The following COL5A2 variants were observed in gnomAD, a reference collection of about 807,000 sequenced individuals.
The protein encoded by COL5A2 is collagen type V alpha 2 chain.
In COL5A2, 23 loss-of-function variants were observed where a neutral mutation model predicts 208.2. The observed-to-expected ratio is 0.11, with a 90% CI of 0.08 to 0.16. The LOEUF is 0.16. COL5A2 is among the 10% of genes least tolerant of loss of function. The pLI, the probability that COL5A2 is intolerant of heterozygous loss-of-function variation, is 1.00. For synonymous variants in COL5A2, 625 were observed against 628.5 expected (o/e 0.99, Z 0.08); for missense variants, 1,590 against 1,956.4 (o/e 0.81, Z 3.53).
the COL5A2 span, among the ~76,000 whole-genome samples, chr2:189,422,269 G>A: frequency 2.0e-5 from 3 of 152,016 alleles, no homozygotes; most frequent in African/African-American, 7.2e-5. Flanking sequence ...TAGGAAAATA[G>A]AGAGAGATAA....
At chr2:189,150,697 T>A (rs1688125776) in intron 1 of COL5A2, among the ~76,000 whole-genome samples, 1 of 152,196 alleles carries the variant, frequency 6.6e-6, no homozygotes, top group African/African-American at 2.4e-5. Flanking sequence ...TATTGGAACC[T>A]CTACTATTTT....
Position 189,068,087 on chromosome 2 carries a change from A to G in COL5A2, c.1329T>C (p.Pro443=). Residue 443 remains proline (P), a synonymous_variant, in exon 21 of 54, where the codon CCT becomes CCC. Coordinates refer to ENST00000374866, the MANE Select transcript of COL5A2 (RefSeq NM_000393.5). The part of the protein sequence containing the change: ...PTGSPGTSGP[P]GSAGPPGSPG... ...GAGATCCAGGAGGCCCTGCTGAGCCAGGAGGACCAGAGGTACCTGGAGAGC... is the reference window on the plus strand; with the variant it reads ...GAGATCCAGGAGGCCCTGCTGAGCCGGGAGGACCAGAGGTACCTGGAGAGC... 6.2e-7 allele frequency: 1 copy of G among 1,614,064 alleles called. No individual in the cohort carries two copies. Among genetic ancestry groups the G allele is most frequent in the Non-Finnish European group, 8.5e-7 (1 of 1,179,972 alleles).
chr2:189,426,584 T>C, the COL5A2 span, among the ~76,000 whole-genome samples: 6 of 152,364 alleles, frequency 3.9e-5, no homozygotes, highest in South Asian at 6.2e-4. Context: ...GCACATGTCA[T>C]CAGGACCTCC....
chr2:189,227,586 T>G (rs928752505), upstream of COL5A2, among the ~76,000 whole-genome samples: 5 of 152,090 alleles, frequency 3.3e-5, no homozygotes, highest in East Asian at 9.7e-4. Context: ...ACAGACAAAA[T>G]AGACATTATG....
the COL5A2 span, among the ~76,000 whole-genome samples, chr2:189,275,834 G>A: frequency 6.6e-6 from 1 of 152,058 alleles, no homozygotes; most frequent in Admixed American, 6.6e-5. Flanking sequence ...TCCATAATTT[G>A]GAGGCAAATC....
At chr2:189,151,195 C>A (rs1688134620) in intron 1 of COL5A2, among the ~76,000 whole-genome samples, 1 of 152,120 alleles carries the variant, frequency 6.6e-6, no homozygotes, top group East Asian at 1.9e-4. Context: ...CTCTTACATT[C>A]TTTGAAATGA....
chr2:189,102,599 A>G (rs1454498992), intron 3 of COL5A2, among the ~76,000 whole-genome samples: 1 of 152,084 alleles, frequency 6.6e-6, no homozygotes, highest in Non-Finnish European at 1.5e-5. Flanking sequence ...TGTGCATTAC[A>G]ATTACTTATC....
chr2:189,097,299 T>C lies in COL5A2; in HGVS notation c.434A>G (p.Glu145Gly). 6.2e-7 allele frequency: 1 copy of C among 1,614,110 alleles called. No individual in the cohort carries two copies. The highest frequency in any genetic ancestry group is 8.5e-7 in the Non-Finnish European group (1 of 1,180,020). Residue 145 changes from glutamate (E) to glycine (G), a missense_variant, in exon 6 of 54, where the codon GAG becomes GGG. Transcript: ENST00000374866. ...TACAGGTCTTCCTTTTGGCCCTCGC[T>C]CTCCTCTTGGTCCCTGTGATCCTGG... ...GPPGSQGPRG[E>G]RGPKGRPGPR...
the COL5A2 span, among the ~76,000 whole-genome samples, chr2:189,424,716 C>T: frequency 6.6e-6 from 1 of 152,078 alleles, no homozygotes; most frequent in Admixed American, 6.5e-5. Context: ...ACTGAAATAA[C>T]TAATATTGTT....
intron 1 of COL5A2, among the ~76,000 whole-genome samples, chr2:189,161,758 G>C (rs1489973834): frequency 6.6e-6 from 1 of 152,148 alleles, no homozygotes; most frequent in African/African-American, 2.4e-5. Flanking sequence ...TACCCTCAAG[G>C]AGCATATGAT....
chr2:189,427,906 T>C, the COL5A2 span, among the ~76,000 whole-genome samples: 1 of 152,212 alleles, frequency 6.6e-6, no homozygotes, highest in Non-Finnish European at 1.5e-5. Context: ...CCCTTGGTTT[T>C]GGCCAATTTC....
intron 1 of COL5A2, among the ~76,000 whole-genome samples, chr2:189,116,062 T>C (rs991115522): frequency 3.9e-5 from 6 of 152,178 alleles, no homozygotes; most frequent in Non-Finnish European, 8.8e-5. Context: ...CCTTCAGCCT[T>C]CCTGACCCAG....
intron 1 of COL5A2, among the ~76,000 whole-genome samples, chr2:189,153,917 G>A (rs1372877031): frequency 1.3e-5 from 2 of 151,996 alleles, no homozygotes; most frequent in African/African-American, 2.4e-5. Flanking sequence ...GGTAGTTCCT[G>A]TATAGACCCC....
chr2:189,371,343 T>G, the COL5A2 span, among the ~76,000 whole-genome samples: 1 of 152,198 alleles, frequency 6.6e-6, no homozygotes, highest in African/African-American at 2.4e-5. Context: ...GGCATTGCTA[T>G]AAAGATGGTA....
At chr2:189,379,341 G>A in the COL5A2 span, among the ~76,000 whole-genome samples, 1 of 152,048 alleles carries the variant, frequency 6.6e-6, no homozygotes, top group African/African-American at 2.4e-5. Flanking sequence ...GAACCCACAG[G>A]GCAAAATTCC....
rs993801825 is a variant in COL5A2, at chr2:189,049,466, G to A, written c.3040-12C>T. ...TTTCCTGGTGTTCCCTGAAATAGAAGTATAAATGTCAAACACTTGTGAAGA... is the reference window on the plus strand; with the variant it reads ...TTTCCTGGTGTTCCCTGAAATAGAAATATAAATGTCAAACACTTGTGAAGA... On this transcript the variant is annotated splice_polypyrimidine_tract_variant and intron_variant, in intron 43 of 53. Coordinates refer to ENST00000374866, the MANE Select transcript of COL5A2 (RefSeq NM_000393.5). The A allele has an allele frequency of 3.1e-6, 5 of 1,597,924 alleles. No homozygotes were observed. The highest frequency in any genetic ancestry group is 4.3e-6 in the Non-Finnish European group (5 of 1,166,918).
the COL5A2 span, among the ~76,000 whole-genome samples, chr2:189,320,423 G>C: frequency 6.6e-6 from 1 of 152,118 alleles, no homozygotes; most frequent in Non-Finnish European, 1.5e-5. Flanking sequence ...CTTGAAAAAA[G>C]ATTACACGAA....
At chr2:189,326,542 T>C in the COL5A2 span, among the ~76,000 whole-genome samples, 1 of 151,460 alleles carries the variant, frequency 6.6e-6, no homozygotes, top group Non-Finnish European at 1.5e-5. Context: ...AATAAGAAAA[T>C]TAGCTGTGCA....
chr2:189,272,453 T>A, the COL5A2 span, among the ~76,000 whole-genome samples: 1 of 151,564 alleles, frequency 6.6e-6, no homozygotes, highest in Non-Finnish European at 1.5e-5. Flanking sequence ...TAGGTAGGAG[T>A]TGAACAATGA....
Sources: allele counts gnomAD v4.1 joint callset (sites outside exome capture counted in the v4.1 genomes callset), GRCh38; gene constraint gnomAD v4.1.1; transcripts MANE v1.5; gene names NCBI Gene and HGNC (gene_info 2026-07-23, HGNC 2026-07-21).